ZNF516: variants seen among roughly 807,000 people sequenced by gnomAD.
ZNF516 encodes the protein zinc finger protein 516.
In ZNF516, 19 loss-of-function variants were observed where a neutral mutation model predicts 79.7. The ratio of observed to expected loss-of-function variants is 0.24; its 90% CI spans 0.17 to 0.35. ZNF516 has a LOEUF of 0.35. Among genes scored for constraint, ZNF516 ranks in the 10% least tolerant of loss-of-function variants. The probability of loss-of-function intolerance (pLI) is 1.00; values close to 1 mark genes in which losing one functional copy is unlikely to be tolerated. For missense variants in ZNF516, 1,678 were observed against 1,679.5 expected (o/e 1.00, Z 0.02); for synonymous variants, 877 against 739.5 (o/e 1.19, Z -3.02).
rs1386363856 is a variant in ZNF516, at chr18:76,451,307, G to A, written c.-157-8096C>T. 1.3e-5 allele frequency among the ~76,000 whole-genome samples: 2 copies of A among 152,178 alleles called. No individual in the cohort carries two copies. The highest frequency in any genetic ancestry group is 1.9e-4 in the East Asian group (1 of 5,204). On this transcript the variant is annotated intron_variant, in intron 2 of 6. Coordinates refer to ENST00000443185, the MANE Select transcript of ZNF516 (RefSeq NM_014643.4). This position sits in a 1 kb window ranked among gnomAD's most constrained non-coding sequence, Gnocchi z 6.0. ...CTGCGTCCTCTCTGACCACCTTCCG[G>A]GGGCGGGGGGGGCACCGATGTCAGC...
rs1227642092 is a variant in ZNF516 at position 76,360,475 on chromosome 18, G to A, written c.*2023C>T. 6.6e-6 allele frequency: 1 copy of A among 151,526 alleles called. No homozygotes were observed. The highest frequency in any genetic ancestry group is 1.5e-5 in the Non-Finnish European group (1 of 67,914). The allele number at this position is 151,526 out of a possible 1,614,324, so 9.4% of individuals were successfully genotyped here. On this transcript the variant is annotated 3_prime_UTR_variant, in exon 7 of 7. Coordinates refer to ENST00000443185, the MANE Select transcript of ZNF516 (RefSeq NM_014643.4). ...AGAAGAGTCTTCTGATTTCTTAGGT[G>A]GACAGAGGAATGTGTCTCCGCAACT...
chr18:76,449,999 A>G (rs955627642), intron 2 of ZNF516, among the ~76,000 whole-genome samples: 5 of 152,218 alleles, frequency 3.3e-5, no homozygotes, highest in African/African-American at 1.2e-4. Context: ...TTAAACCTCA[A>G]TATGGACTGG....
chr18:76,483,187 CG>C (rs1245566522), intron 1 of ZNF516, among the ~76,000 whole-genome samples: 3 of 152,088 alleles, frequency 2.0e-5, no homozygotes, highest in Admixed American at 2.0e-4. Flanking sequence ...AGAAGGCAGG[CG>C]GGGTGGAGAC....
At chr18:76,392,001 C>G (rs1382219315) in intron 3 of ZNF516, among the ~76,000 whole-genome samples, 1 of 152,240 alleles carries the variant, frequency 6.6e-6, no homozygotes, top group Non-Finnish European at 1.5e-5. Flanking sequence ...ACGGTCCTCT[C>G]TGCCGCGGCT....
intron 3 of ZNF516, among the ~76,000 whole-genome samples, chr18:76,426,284 G>A (rs182475160): frequency 2.5e-4 from 38 of 152,272 alleles, no homozygotes; most frequent in Admixed American, 1.2e-3. Context: ...GCTGATATGA[G>A]GTAGCCAACA....
rs1181004046 is a variant in ZNF516, at chr18:76,493,357, G to T, written c.-272+1787C>A. On this transcript the variant is annotated intron_variant, in intron 1 of 6. Transcript: ENST00000443185. The surrounding 1 kb of genome is among the most constrained non-coding windows in gnomAD (Gnocchi z 5.2). ...GGGGGGGGGGCGGGGGCCGACGCAG[G>T]GGAAAGAGTTGCTCTCTACACCGAA... is the stretch of plus-strand genomic sequence containing the variant. The T allele has an allele frequency of 5.6e-6, 1 of 177,286 alleles. No individual in the cohort carries two copies. Among genetic ancestry groups the T allele is most frequent in the South Asian group, 1.9e-4 (1 of 5,268 alleles). The allele number at this position is 177,286 out of a possible 1,614,324, so 11.0% of individuals were successfully genotyped here.
intron 6 of ZNF516, among the ~76,000 whole-genome samples, chr18:76,366,806 T>C (rs2074618723): frequency 6.6e-6 from 1 of 152,226 alleles, no homozygotes; most frequent in South Asian, 2.1e-4. Context: ...ACAGCAAGTA[T>C]ACAAAATAAG....
chr18:76,465,298 C>T (rs746633823), intron 1 of ZNF516, among the ~76,000 whole-genome samples: 10 of 152,202 alleles, frequency 6.6e-5, no homozygotes, highest in East Asian at 1.9e-4. Flanking sequence ...TCAGATTTGG[C>T]AGTTACAGGT....
At chr18:76,423,587 G>C (rs868769534) in intron 3 of ZNF516, among the ~76,000 whole-genome samples, 2 of 54,004 alleles carry the variant, frequency 3.7e-5, no homozygotes, top group African/African-American at 1.2e-4. Flanking sequence ...AACACACACA[G>C]GTAAAAAGGC....
At position 76,362,473 on chromosome 18, in the gene ZNF516, C is replaced by T. The variant is rs1599122539; in HGVS notation, c.*25G>A. On this transcript the variant is annotated 3_prime_UTR_variant, in exon 7 of 7. Transcript: ENST00000443185. ...GTACTGCTAATGGCCGTTACGGGGACCTGGGGTGCGTCGGAAACACGCCTT... is the reference window on the plus strand; with the variant it reads ...GTACTGCTAATGGCCGTTACGGGGATCTGGGGTGCGTCGGAAACACGCCTT... 1 of 1,611,368 alleles carries T rather than the reference C, an allele frequency of 6.2e-7. No individual in the cohort carries two copies. Among genetic ancestry groups the T allele is most frequent in the Non-Finnish European group, 8.5e-7 (1 of 1,178,138 alleles).
chr18:76,401,997 GCGTGTGTACACGTT>G (rs1399012740), intron 3 of ZNF516, among the ~76,000 whole-genome samples: 21 of 149,084 alleles, frequency 1.4e-4, no homozygotes, highest in African/African-American at 3.9e-4. Flanking sequence ...GTGTGTACGC[GCGTGTGTACACGTT>G]TGTGTGTACA....
chr18:76,400,187 T>C (rs2075200198), intron 3 of ZNF516, among the ~76,000 whole-genome samples: 1 of 152,156 alleles, frequency 6.6e-6, no homozygotes, highest in Non-Finnish European at 1.5e-5. Context: ...AGAGGCCGAC[T>C]TGGGGCAGAA....
intron 3 of ZNF516, among the ~76,000 whole-genome samples, chr18:76,389,984 C>T (rs540836562): frequency 2.0e-4 from 30 of 152,292 alleles, no homozygotes; most frequent in African/African-American, 7.0e-4. Context: ...TCCCGGTTCA[C>T]GCTTATTATA....
chr18:76,456,008 C>T (rs28475640), intron 2 of ZNF516, among the ~76,000 whole-genome samples: 2,679 of 152,286 alleles, frequency 0.018, 91 homozygotes, highest in African/African-American at 0.062. Flanking sequence ...GCTCGGCATC[C>T]TCAAACAGTC....
At chr18:76,439,579 G>A (rs1205046415) in intron 3 of ZNF516, among the ~76,000 whole-genome samples, 1 of 151,940 alleles carries the variant, frequency 6.6e-6, no homozygotes, top group Non-Finnish European at 1.5e-5. Flanking sequence ...AATTTAATGA[G>A]CCTGAAAAAA....
chr18:76,447,326 G>A (rs1378557272), intron 2 of ZNF516, among the ~76,000 whole-genome samples: 1 of 152,224 alleles, frequency 6.6e-6, no homozygotes, highest in East Asian at 1.9e-4. Flanking sequence ...TAAGCCAGGA[G>A]GGTTTCGATG....
At chr18:76,370,870 A>G (rs991579325) in intron 5 of ZNF516, among the ~76,000 whole-genome samples, 49 of 152,176 alleles carry the variant, frequency 3.2e-4, no homozygotes, top group Non-Finnish European at 5.9e-5. Flanking sequence ...CTCTTCTTGC[A>G]TTACTTACCA....
chr18:76,451,979 C>T lies in ZNF516; in HGVS notation c.-157-8768G>A, dbSNP rs1053393806. Reference sequence around the variant, plus strand: ...TTCACTATTGGGAGAGTAAGTACGGCCGATGACAGGCCTGGAGGCGGCTGC... The same window carrying T: ...TTCACTATTGGGAGAGTAAGTACGGTCGATGACAGGCCTGGAGGCGGCTGC... On this transcript the variant is annotated intron_variant, in intron 2 of 6. Transcript: ENST00000443185. This position sits in a 1 kb window ranked among gnomAD's most constrained non-coding sequence, Gnocchi z 6.0. Among the ~76,000 whole-genome samples, 1 of 152,164 alleles carries T rather than the reference C, an allele frequency of 6.6e-6. No homozygotes were observed. Among genetic ancestry groups the T allele is most frequent in the Admixed American group, 6.5e-5 (1 of 15,278 alleles).
chr18:76,410,277 A>G (rs1404719396), intron 3 of ZNF516, among the ~76,000 whole-genome samples: 1 of 152,190 alleles, frequency 6.6e-6, no homozygotes, highest in Non-Finnish European at 1.5e-5. Flanking sequence ...GTCACAAAAT[A>G]GTGGCAAAAG....
Sources: allele counts gnomAD v4.1 joint callset (sites outside exome capture counted in the v4.1 genomes callset), GRCh38; gene constraint gnomAD v4.1.1; non-coding constraint Gnocchi (gnomAD v3.1); transcripts MANE v1.5; gene names NCBI Gene and HGNC (gene_info 2026-07-23, HGNC 2026-07-21).